The following NPAS3 variants were observed in gnomAD, a reference collection of about 807,000 sequenced individuals.
NPAS3 encodes neuronal PAS domain-containing protein 3.
NPAS3 carries 14 observed loss-of-function variants against 73.1 expected under a neutral mutation model. The ratio of observed to expected loss-of-function variants is 0.19; its 90% CI spans 0.13 to 0.30. The LOEUF is 0.30. Among genes scored for constraint, NPAS3 ranks in the 10% least tolerant of loss-of-function variants. The pLI is 1.00. For missense variants in NPAS3, 1,096 were observed against 1,250.0 expected (o/e 0.88, Z 1.86); for synonymous variants, 620 against 541.5 (o/e 1.14, Z -2.01).
intron 7 of NPAS3, among the ~76,000 whole-genome samples, chr14:33,757,728 A>G (rs1222024897): frequency 6.6e-6 from 1 of 152,222 alleles, no homozygotes; most frequent in African/African-American, 2.4e-5. Flanking sequence ...ATGAGCCAAG[A>G]GAAGTGATGC....
Position 33,512,377 on chromosome 14 carries a change from T to C in NPAS3, c.469-47744T>C, listed in dbSNP as rs182550831. 4.0e-3 allele frequency among the ~76,000 whole-genome samples: 605 copies of C among 152,130 alleles called. 2 individuals carry two copies. Among genetic ancestry groups the C allele is most frequent in the African/African-American group, 0.013 (522 of 41,544 alleles). ...ATCCATTCAACACCCGAGAAAAGTT[T>C]TGTAGGACTTTACAGTGTTCCCTGC... On this transcript the variant is annotated intron_variant, in intron 4 of 11. Transcript: ENST00000356141.
intron 3 of NPAS3, among the ~76,000 whole-genome samples, chr14:33,291,819 A>T (rs868037926): frequency 6.6e-6 from 1 of 152,210 alleles, no homozygotes; most frequent in Non-Finnish European, 1.5e-5. Flanking sequence ...CTCAGAAGGT[A>T]TTACGGAATA....
At chr14:33,077,049 C>A (rs1423316029) in intron 2 of NPAS3, among the ~76,000 whole-genome samples, 1 of 152,142 alleles carries the variant, frequency 6.6e-6, no homozygotes, top group Non-Finnish European at 1.5e-5. Flanking sequence ...CGTGGGGATA[C>A]AACAGTGGGT....
intron 6 of NPAS3, among the ~76,000 whole-genome samples, chr14:33,731,157 G>A (rs887614985): frequency 1.8e-4 from 28 of 152,032 alleles, no homozygotes; most frequent in Non-Finnish European, 2.9e-4. Context: ...GGCTGGGCAC[G>A]GTGGCTCACA....
intron 6 of NPAS3, among the ~76,000 whole-genome samples, chr14:33,724,003 G>C (rs1239624899): frequency 1.3e-5 from 2 of 151,980 alleles, no homozygotes; most frequent in African/African-American, 4.8e-5. Context: ...ATCAAACCTT[G>C]GGCTTTAACC....
At chr14:33,226,235 T>G (rs575498050) in intron 3 of NPAS3, among the ~76,000 whole-genome samples, 1 of 152,326 alleles carries the variant, frequency 6.6e-6, no homozygotes, top group East Asian at 1.9e-4. Flanking sequence ...AAGAGAAGCA[T>G]GATGAAAACA....
At chr14:33,266,110 T>G (rs2139987247) in intron 3 of NPAS3, among the ~76,000 whole-genome samples, 1 of 152,278 alleles carries the variant, frequency 6.6e-6, no homozygotes, top group South Asian at 2.1e-4. Flanking sequence ...AAGTGTGATG[T>G]CCTTTGGGGA....
intron 3 of NPAS3, among the ~76,000 whole-genome samples, chr14:33,220,396 GAT>G (rs2139705196): frequency 6.6e-6 from 1 of 152,286 alleles, no homozygotes; most frequent in East Asian, 1.9e-4. Flanking sequence ...ATGGAAATGT[GAT>G]GTATTTGCCT....
chr14:33,117,238 T>A (rs545427036), intron 2 of NPAS3, among the ~76,000 whole-genome samples: 2 of 152,174 alleles, frequency 1.3e-5, no homozygotes, highest in South Asian at 4.2e-4. Flanking sequence ...GCATTATTTT[T>A]GTATAATAAT....
intron 5 of NPAS3, among the ~76,000 whole-genome samples, chr14:33,604,204 CAACTT>C (rs1180965334): frequency 2.0e-5 from 3 of 151,824 alleles, no homozygotes; most frequent in African/African-American, 4.8e-5. Context: ...AATTGAAACT[CAACTT>C]AAAAAGCAGA....
intron 5 of NPAS3, among the ~76,000 whole-genome samples, chr14:33,598,066 T>A (rs1004762547): frequency 1.3e-5 from 2 of 152,184 alleles, no homozygotes; most frequent in Admixed American, 1.3e-4. Flanking sequence ...TGTGATTTCA[T>A]GAGTGGATAG....
chr14:33,528,394 C>T (rs540895528), intron 4 of NPAS3, among the ~76,000 whole-genome samples: 6 of 151,562 alleles, frequency 4.0e-5, no homozygotes, highest in East Asian at 2.0e-4. Context: ...GCCTGAAGGG[C>T]GCTCACAATC....
chr14:33,503,596 G>T (rs367862974), intron 4 of NPAS3, among the ~76,000 whole-genome samples: 1 of 151,708 alleles, frequency 6.6e-6, no homozygotes, highest in African/African-American at 2.4e-5. Context: ...AAAATGGCAC[G>T]GCAATGGGGC....
At chr14:33,466,775 C>A (rs981269919) in intron 4 of NPAS3, among the ~76,000 whole-genome samples, 1 of 152,070 alleles carries the variant, frequency 6.6e-6, no homozygotes, top group Non-Finnish European at 1.5e-5. Flanking sequence ...ACAACCAGAT[C>A]TTCCAAGAAC....
chr14:33,235,891 C>T lies in NPAS3; in HGVS notation c.385+20465C>T, dbSNP rs543328011. 2.3e-5 allele frequency among the ~76,000 whole-genome samples: 3 copies of T among 132,758 alleles called. No homozygotes were observed. In the South Asian group the frequency reaches 7.5e-4, roughly 33 times the overall value. 87.1% of individuals were successfully genotyped at this position (132,758 alleles called of 152,430 possible). A position where few individuals can be genotyped will look rare whatever the true frequency, so the allele number is the denominator to read the frequency against. ...GCAACCTTGAACTCCTGGACTCAAG[C>T]GATCCTCCTACCTCAGCCTCCTGAG... On this transcript the variant is annotated intron_variant, in intron 3 of 11. Transcript: ENST00000356141.
rs559541389 is a variant in NPAS3 at position 33,252,936 on chromosome 14, T to C, written c.385+37510T>C. ...GTTAGTTCAAAACAGGATAATGGCC[T>C]CCAGCTCCATCCGTGTTGCTGCAAA... On this transcript the variant is annotated intron_variant, in intron 3 of 11. Transcript: ENST00000356141. Among the ~76,000 whole-genome samples, 10 of 152,226 alleles carry C rather than the reference T, an allele frequency of 6.6e-5. No homozygotes were observed. The East Asian group carries it at 1.7e-3, about 26-fold the overall frequency.
chr14:33,620,776 T>C (rs2058055983), intron 5 of NPAS3, among the ~76,000 whole-genome samples: 2 of 152,196 alleles, frequency 1.3e-5, no homozygotes, highest in South Asian at 2.1e-4. Context: ...GTTGGCCTTA[T>C]TGATTTACTC....
At chr14:33,678,703 A>C (rs557092048) in intron 6 of NPAS3, among the ~76,000 whole-genome samples, 2 of 151,482 alleles carry the variant, frequency 1.3e-5, no homozygotes, top group Non-Finnish European at 2.9e-5. Context: ...CTGTCAATTC[A>C]TACTGAGTTT....
chr14:33,107,212 G>A (rs191668783), intron 2 of NPAS3, among the ~76,000 whole-genome samples: 1 of 151,756 alleles, frequency 6.6e-6, no homozygotes, highest in East Asian at 1.9e-4. Flanking sequence ...TGATCTTTGG[G>A]GCTTTATGCT....
Sources: gnomAD v4.1 joint callset for allele counts (sites outside exome capture counted in the v4.1 genomes callset) on GRCh38, gnomAD v4.1.1 for gene constraint, MANE v1.5 for transcripts, NCBI Gene and HGNC (gene_info 2026-07-23, HGNC 2026-07-21) for gene names.